CNTNAP3B: variants seen among roughly 807,000 people sequenced by gnomAD.
The protein encoded by CNTNAP3B is contactin-associated protein-like 3B.
Under a neutral mutation model 108.9 loss-of-function variants are expected in CNTNAP3B, and 25 were observed. The ratio of observed to expected loss-of-function variants is 0.23; its 90% CI spans 0.17 to 0.32. CNTNAP3B has a LOEUF of 0.32. CNTNAP3B is among the 10% of genes least tolerant of loss of function. CNTNAP3B has a pLI of 1.00. For synonymous variants in CNTNAP3B, 103 were observed against 473.4 expected (o/e 0.22, Z 10.16); for missense variants, 252 against 1,210.4 (o/e 0.21, Z 11.75).
intron 15 of CNTNAP3B, among the ~76,000 whole-genome samples, chr9:41,924,833 G>A (rs1012695577): frequency 2.6e-5 from 4 of 152,270 alleles, no homozygotes; most frequent in African/African-American, 9.6e-5. Context: ...TACAGTGTGT[G>A]AGTCTTTTCT....
At chr9:42,127,339 G>C (rs1389029001) in intron 1 of CNTNAP3B, among the ~76,000 whole-genome samples, 2 of 138,994 alleles carry the variant, frequency 1.4e-5, no homozygotes, top group African/African-American at 5.7e-5. Context: ...CCTTCCACTG[G>C]ATTCCAAGCA....
intron 14 of CNTNAP3B, among the ~76,000 whole-genome samples, chr9:41,934,139 A>ATACACATATATATATC (rs1824076397): frequency 7.3e-6 from 1 of 137,116 alleles, no homozygotes; most frequent in Non-Finnish European, 1.6e-5. Flanking sequence ...ACATATATAT[A>ATACACATATATATATC]TACACACACA....
chr9:42,113,692 C>CA (rs1828248460), intron 1 of CNTNAP3B, among the ~76,000 whole-genome samples: 2 of 138,738 alleles, frequency 1.4e-5, no homozygotes, highest in Non-Finnish European at 3.1e-5. Context: ...TCCACGGGTA[C>CA]AAAAAAATAG....
chr9:42,125,782 A>AT (rs1292213723), intron 1 of CNTNAP3B, among the ~76,000 whole-genome samples: 3 of 131,268 alleles, frequency 2.3e-5, no homozygotes, highest in Non-Finnish European at 4.8e-5. Context: ...ATGCCCTGAA[A>AT]TTTTTTCATA....
chr9:42,076,819 T>C, intron 3 of CNTNAP3B, 50 bp downstream of exon 3: 1 of 1,504,014 alleles, frequency 6.6e-7, no homozygotes, highest in Non-Finnish European at 8.9e-7. Flanking sequence ...ATTCTGTTTT[T>C]CTAATAGGTT....
intron 13 of CNTNAP3B, among the ~76,000 whole-genome samples, chr9:41,939,721 G>A (rs1207442707): frequency 5.3e-5 from 8 of 152,378 alleles, no homozygotes; most frequent in African/African-American, 1.4e-4. Flanking sequence ...TAATGTACAA[G>A]TGTAAATTTA....
chr9:41,969,710 C>T (rs551686081), intron 10 of CNTNAP3B, among the ~76,000 whole-genome samples: 532 of 150,534 alleles, frequency 3.5e-3, no homozygotes, highest in African/African-American at 0.012. Flanking sequence ...CTCCACCTCC[C>T]GGGTTCATGC....
Position 41,953,274 on chromosome 9 carries a change from C to A in CNTNAP3B, c.1989G>T (p.Ala663=), listed in dbSNP as rs773429427. Residue 663 remains alanine, a synonymous_variant, in exon 13 of 24, where the codon GCG becomes GCT. Transcript: ENST00000377561. ...GGTTCACCGCGGCCCGCAGCTGCCC[C>A]GCGCCCGCTGCGTACGCGAAGGACA... is the stretch of plus-strand genomic sequence containing the variant. ...SAVSFAYAAG[A]GQLRAAVNLA... 2.6e-6 allele frequency: 4 copies of A among 1,527,646 alleles called. No individual in the cohort carries two copies. The highest frequency in any genetic ancestry group is 1.4e-5 in the African/African-American group (1 of 72,296). The allele number at this position is 1,527,646 out of a possible 1,614,324, so 94.6% of individuals were successfully genotyped here.
chr9:41,940,720 C>G (rs934074496), intron 13 of CNTNAP3B, among the ~76,000 whole-genome samples: 6 of 152,240 alleles, frequency 3.9e-5, no homozygotes, highest in Non-Finnish European at 7.4e-5. Context: ...GAGGCTGAGG[C>G]AGGAGAATGG....
intron 11 of CNTNAP3B, among the ~76,000 whole-genome samples, chr9:41,963,080 C>A (rs1171320155): frequency 6.6e-6 from 1 of 152,286 alleles, no homozygotes; most frequent in African/African-American, 2.4e-5. Flanking sequence ...ACTGTCTCCT[C>A]TTTTGCCCAG....
intron 3 of CNTNAP3B, among the ~76,000 whole-genome samples, chr9:42,023,380 G>A (rs1350304042): frequency 6.6e-6 from 1 of 151,410 alleles, no homozygotes; most frequent in Non-Finnish European, 1.5e-5. Context: ...CAAGAACTGA[G>A]GTTGTTGCAG....
intron 10 of CNTNAP3B, among the ~76,000 whole-genome samples, chr9:41,965,209 A>G (rs1459164113): frequency 6.6e-6 from 1 of 152,302 alleles, no homozygotes; most frequent in East Asian, 1.9e-4. Context: ...CAATCCACAA[A>G]TTCAATACAA....
At chr9:41,981,987 T>TA in intron 9 of CNTNAP3B, among the ~76,000 whole-genome samples, 1 of 78,934 alleles carries the variant, frequency 1.3e-5, no homozygotes, top group African/African-American at 5.5e-5. Context: ...GGGAACCTCT[T>TA]AAGCCTGGGA....
At position 42,094,204 on chromosome 9, in the gene CNTNAP3B, C is replaced by A. The variant is rs1353262257; in HGVS notation, c.196+10425G>T. Among the ~76,000 whole-genome samples the A allele has an allele frequency of 5.0e-5, 7 of 139,062 alleles. 1 individual carries two copies. Among genetic ancestry groups the A allele is most frequent in the African/African-American group, 2.0e-4 (7 of 35,036 alleles). 91.2% of individuals were successfully genotyped at this position (139,062 alleles called of 152,430 possible). ...ACTGGCATATGATAAATGCTGAGAG[C>A]TTTTTAAGGGAAAGTGCCAGACATA... On this transcript the variant is annotated intron_variant, in intron 2 of 23. Transcript: ENST00000377561.
chr9:42,112,676 C>T (rs1828217833), intron 1 of CNTNAP3B, among the ~76,000 whole-genome samples: 1 of 136,570 alleles, frequency 7.3e-6, no homozygotes, highest in Non-Finnish European at 1.6e-5. Flanking sequence ...GACATTTTGA[C>T]TTGTTAAAGA....
chr9:41,966,766 G>T (rs1183492963), intron 10 of CNTNAP3B, among the ~76,000 whole-genome samples: 11 of 151,858 alleles, frequency 7.2e-5, no homozygotes, highest in Non-Finnish European at 1.3e-4. Flanking sequence ...AGGAGATCGA[G>T]ACCATCCTGG....
At chr9:41,934,761 T>A (rs1241657508) in intron 14 of CNTNAP3B, among the ~76,000 whole-genome samples, 1 of 152,254 alleles carries the variant, frequency 6.6e-6, no homozygotes, top group East Asian at 1.9e-4. Flanking sequence ...AAACAAGCTA[T>A]AGCTTCTTTA....
At chr9:41,933,875 T>TAC (rs1363039912) in intron 14 of CNTNAP3B, among the ~76,000 whole-genome samples, 2 of 152,224 alleles carry the variant, frequency 1.3e-5, no homozygotes, top group African/African-American at 4.8e-5. Flanking sequence ...TAAAATTTGT[T>TAC]AAGATTCCAT....
chr9:41,915,947 G>A (rs1386590960), intron 18 of CNTNAP3B, among the ~76,000 whole-genome samples: 2 of 151,370 alleles, frequency 1.3e-5, no homozygotes, highest in African/African-American at 4.9e-5. Context: ...TCTGCTTCAG[G>A]TTTACACTAA....
Sources: allele counts gnomAD v4.1 joint callset (sites outside exome capture counted in the v4.1 genomes callset), GRCh38; gene constraint gnomAD v4.1.1; transcripts MANE v1.5; gene names NCBI Gene and HGNC (gene_info 2026-07-23, HGNC 2026-07-21).